EPC2: variants seen among roughly 807,000 people sequenced by gnomAD.
EPC2 encodes enhancer of polycomb homolog 2.
A neutral mutation model predicts 92.1 loss-of-function variants in EPC2; 14 were observed. That is an observed-to-expected ratio of 0.15 (90% confidence interval 0.10 to 0.24). EPC2 has a LOEUF of 0.24. Among genes scored for constraint, EPC2 ranks in the 10% least tolerant of loss-of-function variants. EPC2 has a pLI of 1.00. For missense variants in EPC2, 755 were observed against 971.5 expected, an observed-to-expected ratio of 0.78 and a Z score of 2.96; for synonymous variants, 340 against 334.7, an observed-to-expected ratio of 1.02 and a Z score of -0.17.
intron 1 of EPC2, among the ~76,000 whole-genome samples, chr2:148,656,876 G>T (rs1680812268): frequency 6.6e-6 from 1 of 152,148 alleles, no homozygotes; most frequent in African/African-American, 2.4e-5. Context: ...TATCATGAAG[G>T]ACATGATTTG....
chr2:148,649,570 C>T (rs937403770), intron 1 of EPC2, among the ~76,000 whole-genome samples: 13 of 152,166 alleles, frequency 8.5e-5, no homozygotes, highest in African/African-American at 3.1e-4. Context: ...TTATGCATCT[C>T]TCTGATTTTT....
intron 1 of EPC2, among the ~76,000 whole-genome samples, chr2:148,648,287 G>A (rs1026821187): frequency 2.6e-5 from 4 of 152,108 alleles, no homozygotes; most frequent in Non-Finnish European, 2.9e-5. Flanking sequence ...GTGTTTTCAT[G>A]AGTGACAGCA....
chr2:148,674,320 A>G (rs1434333382), intron 1 of EPC2, among the ~76,000 whole-genome samples: 4 of 152,162 alleles, frequency 2.6e-5, no homozygotes, highest in South Asian at 2.1e-4. Flanking sequence ...TTTGTTCTCT[A>G]CAGTCTCCAG....
At chr2:148,726,702 C>A (rs1390611388) in intron 2 of EPC2, among the ~76,000 whole-genome samples, 3 of 145,268 alleles carry the variant, frequency 2.1e-5, no homozygotes, top group Non-Finnish European at 4.5e-5. Flanking sequence ...CTCTTTAGAT[C>A]CTTTGCCCAT....
At chr2:148,777,709 C>A (rs1683673608) in intron 10 of EPC2, among the ~76,000 whole-genome samples, 1 of 152,112 alleles carries the variant, frequency 6.6e-6, no homozygotes, top group South Asian at 2.1e-4. Flanking sequence ...AGGAACCACA[C>A]ACCTAAAAGG....
chr2:148,761,175 T>C (rs546224919), intron 4 of EPC2, among the ~76,000 whole-genome samples: 1 of 152,358 alleles, frequency 6.6e-6, no homozygotes, highest in African/African-American at 2.4e-5. Flanking sequence ...GTATTTTTGC[T>C]AAATCTCTTT....
At chr2:148,702,554 A>G (rs1473920852) in intron 2 of EPC2, among the ~76,000 whole-genome samples, 2 of 152,244 alleles carry the variant, frequency 1.3e-5, no homozygotes, top group East Asian at 3.9e-4. Context: ...ATTCTTCACT[A>G]TTGTTTCTTT....
chr2:148,692,156 T>A (rs142018853), intron 2 of EPC2: 41 of 225,770 alleles, frequency 1.8e-4, no homozygotes, highest in Admixed American at 1.4e-3. Context: ...TAACATTTCC[T>A]TGGATGTGCT....
At chr2:148,683,626 C>A (rs760105285) in intron 1 of EPC2, among the ~76,000 whole-genome samples, 11 of 152,110 alleles carry the variant, frequency 7.2e-5, no homozygotes, top group South Asian at 2.1e-4. Context: ...TAAATAATAA[C>A]GTGATGTTTG....
Position 148,751,237 on chromosome 2 carries a change from ATATAT to A in EPC2, c.460-2688_460-2684del, listed in dbSNP as rs1415453052. 3.3e-5 allele frequency among the ~76,000 whole-genome samples: 5 copies of A among 152,180 alleles called. No individual in the cohort carries two copies. In the East Asian group the frequency reaches 9.6e-4, roughly 29 times the overall value. ...TAGAATACATTAATTTTTACATATA[ATATAT>A]TCGTTTATGTATTCAAAATATATTT... is the stretch of plus-strand genomic sequence containing the variant. On this transcript the variant is annotated intron_variant, in intron 3 of 13. Coordinates refer to ENST00000258484, the MANE Select transcript of EPC2 (RefSeq NM_015630.4).
intron 1 of EPC2, among the ~76,000 whole-genome samples, chr2:148,657,607 G>A (rs1680829405): frequency 6.6e-6 from 1 of 151,862 alleles, no homozygotes; most frequent in Non-Finnish European, 1.5e-5. Context: ...AGTTTGAGAG[G>A]TAGTATTGTA....
chr2:148,732,055 T>C (rs987749843), intron 2 of EPC2, among the ~76,000 whole-genome samples: 1 of 152,198 alleles, frequency 6.6e-6, no homozygotes, highest in Non-Finnish European at 1.5e-5. Context: ...TAACAATTGA[T>C]AAAAAAGAGT....
chr2:148,749,258 TC>T (rs1683042518), intron 3 of EPC2, among the ~76,000 whole-genome samples: 1 of 152,134 alleles, frequency 6.6e-6, no homozygotes, highest in African/African-American at 2.4e-5. Context: ...AGCAGTGGTT[TC>T]CCTACTGGAT....
rs560241036 is a variant in EPC2, at chr2:148,700,499, G to A, written c.313+10126G>A. Among the ~76,000 whole-genome samples the A allele has an allele frequency of 3.6e-3, 46 of 12,854 alleles. No individual in the cohort carries two copies. The East Asian group carries it at 0.055, about 15-fold the overall frequency. 8.4% of individuals were successfully genotyped at this position (12,854 alleles called of 152,430 possible). A position where few individuals can be genotyped will look rare whatever the true frequency, so the allele number is the denominator to read the frequency against. Reference sequence around the variant, plus strand: ...AGACTCCCCCCCTCCCCCCCGCCCCGCATTGAATTGCCTTTGCTCCTTTGT... The same window carrying A: ...AGACTCCCCCCCTCCCCCCCGCCCCACATTGAATTGCCTTTGCTCCTTTGT... On this transcript the variant is annotated intron_variant, in intron 2 of 13. Coordinates refer to ENST00000258484, the MANE Select transcript of EPC2 (RefSeq NM_015630.4).
chr2:148,683,337 G>T (rs1396441553), intron 1 of EPC2, among the ~76,000 whole-genome samples: 1 of 151,062 alleles, frequency 6.6e-6, no homozygotes, highest in Non-Finnish European at 1.5e-5. Context: ...GCATGATCTC[G>T]GCTCACTGCA....
intron 1 of EPC2, 78 bp from the exon 2 acceptor site, chr2:148,690,136 C>G (rs1161812064): frequency 7.4e-7 from 1 of 1,351,776 alleles, no homozygotes; most frequent in Non-Finnish European, 9.9e-7. Context: ...GATTATTAAA[C>G]AAAGTAACTT....
At chr2:148,769,678 A>G (rs1295197229) in intron 8 of EPC2, among the ~76,000 whole-genome samples, 2 of 152,214 alleles carry the variant, frequency 1.3e-5, no homozygotes, top group Non-Finnish European at 2.9e-5. Context: ...TGATACTTCC[A>G]TAATGGCAAT....
rs541668469 is a variant in EPC2 at position 148,677,802 on chromosome 2, C to T, written c.154-12412C>T. ...GCAGTGAGTGTTACAGCTCTTAAGG[C>T]GGCGCATCTGGAGTTGTTTGTTCCT... On this transcript the variant is annotated intron_variant, in intron 1 of 13. Transcript: ENST00000258484. 1.3e-3 allele frequency among the ~76,000 whole-genome samples: 199 copies of T among 151,522 alleles called. 1 individual carries two copies. The highest frequency in any genetic ancestry group is 1.5e-3 in the Non-Finnish European group (105 of 67,878).
intron 1 of EPC2, among the ~76,000 whole-genome samples, chr2:148,651,550 G>A (rs749484287): frequency 1.3e-5 from 2 of 152,054 alleles, no homozygotes; most frequent in Admixed American, 6.6e-5. Flanking sequence ...TGAATGTTAG[G>A]CCTAGGAGTT....
Sources: gnomAD v4.1 joint callset for allele counts (sites outside exome capture counted in the v4.1 genomes callset) on GRCh38, gnomAD v4.1.1 for gene constraint, MANE v1.5 for transcripts, NCBI Gene and HGNC (gene_info 2026-07-23, HGNC 2026-07-21) for gene names.